POLR3K: variants seen among roughly 807,000 people sequenced by gnomAD.
POLR3K encodes the protein DNA-directed RNA polymerase III subunit RPC10.
A neutral mutation model predicts 13.5 loss-of-function variants in POLR3K; 11 were observed. The observed-to-expected ratio is 0.81, with a 90% confidence interval of 0.51 to 1.35. POLR3K has a LOEUF of 1.35. Among genes scored for constraint, POLR3K ranks in the 40% most tolerant of loss-of-function variants. The probability of loss-of-function intolerance (pLI) is 0.00; values close to 1 mark genes in which losing one functional copy is unlikely to be tolerated. For synonymous variants in POLR3K, 56 were observed against 51.5 expected (o/e 1.09, Z -0.38); for missense variants, 144 against 145.3 (o/e 0.99, Z 0.05).
chr16:47,722 A>G (rs1157421444), intron 2 of POLR3K, among the ~76,000 whole-genome samples, 165 bp from the exon 3 acceptor site: 2 of 151,008 alleles, frequency 1.3e-5, no homozygotes. Context: ...TCTCTACTAA[A>G]AATACAAAAT....
chr16:51,536 C>T, intron 2 of POLR3K, 22 bp downstream of exon 2: 1 of 1,595,282 alleles, frequency 6.3e-7, no homozygotes, highest in South Asian at 1.1e-5. Context: ...AGTTTAGCAA[C>T]AGAAACAGTT....
intron 1 of POLR3K, chr16:52,184 C>G (rs148055418): frequency 0.024 from 3,715 of 152,886 alleles, 75 homozygotes; most frequent in Non-Finnish European, 0.043. Flanking sequence ...TGGTGGCTCA[C>G]GCCTATAATC....
At position 46,826 on chromosome 16, in the gene POLR3K, T is replaced by A. The variant is rs1897287741; in HGVS notation, c.*604A>T. The A allele has an allele frequency of 6.6e-6, 1 of 151,914 alleles. No homozygotes were observed. Among genetic ancestry groups the A allele is most frequent in the African/African-American group, 2.4e-5 (1 of 41,356 alleles). The allele number at this position is 151,914 out of a possible 1,614,324, so 9.4% of individuals were successfully genotyped here. A position where few individuals can be genotyped will look rare whatever the true frequency, so the allele number is the denominator to read the frequency against. ...ATCAGGGGAGGTTCAAAAAAATGAA[T>A]AAGGGAGTAAGAATAGGAATAAAGA... On this transcript the variant is annotated 3_prime_UTR_variant, in exon 3 of 3. Transcript: ENST00000293860.
intron 2 of POLR3K, among the ~76,000 whole-genome samples, chr16:48,434 T>G (rs144804075): frequency 1.3e-5 from 2 of 152,302 alleles, no homozygotes; most frequent in East Asian, 3.9e-4. Flanking sequence ...TGTGCTGCTG[T>G]AACAAAATGC....
intron 2 of POLR3K, among the ~76,000 whole-genome samples, chr16:48,766 G>A (rs1339707881): frequency 6.6e-6 from 1 of 150,420 alleles, no homozygotes; most frequent in Non-Finnish European, 1.5e-5. Flanking sequence ...AGCCGAGATC[G>A]CGCCACTGCA....
chr16:51,471 T>C, intron 2 of POLR3K, 87 bp downstream of exon 2: 1 of 980,860 alleles, frequency 1.0e-6, no homozygotes, highest in Non-Finnish European at 1.6e-6. Flanking sequence ...ACATCATTTA[T>C]ATGACATCAT....
chr16:51,308 G>C (rs1467683176), intron 2 of POLR3K, among the ~76,000 whole-genome samples: 2 of 103,966 alleles, frequency 1.9e-5, no homozygotes, highest in South Asian at 2.7e-4. Flanking sequence ...GAGACCCAAG[G>C]AAGGTCCTAC....
chr16:52,584 T>C (rs1007700655), intron 1 of POLR3K, among the ~76,000 whole-genome samples: 4 of 146,362 alleles, frequency 2.7e-5, no homozygotes, highest in African/African-American at 1.0e-4. Context: ...TAACACACGG[T>C]GAAACCCCAT....
At chr16:52,446 CAAAAAAAAAAAAAAAA>C (rs767411954) in intron 1 of POLR3K, among the ~76,000 whole-genome samples, 70 of 74,174 alleles carry the variant, frequency 9.4e-4, no homozygotes, top group Non-Finnish European at 1.4e-3. Flanking sequence ...GACTCTGTCT[CAAAAAAAAAAAAAAAA>C]AAAAAAAAAA....
At position 51,592 on chromosome 16, in the gene POLR3K, T is replaced by C; in HGVS notation, c.165A>G (p.Gly55=). The C allele has an allele frequency of 1.2e-6, 2 of 1,614,146 alleles. No homozygotes were observed. The highest frequency in any genetic ancestry group is 1.7e-6 in the Non-Finnish European group (2 of 1,179,982). The part of the protein sequence containing the change: ...KLKEVDDVLG[G]AAAWENVDST... ...AGTCAACATTCTCCCAGGCAGCTGCTCCACCAAGCACATCATCCACTTCTT... is the reference window on the plus strand; with the variant it reads ...AGTCAACATTCTCCCAGGCAGCTGCCCCACCAAGCACATCATCCACTTCTT... Residue 55 remains glycine (G), a synonymous_variant, in exon 2 of 3, where the codon GGA becomes GGG. Transcript: ENST00000293860.
At chr16:49,650 T>C (rs1044642696) in intron 2 of POLR3K, among the ~76,000 whole-genome samples, 3 of 151,202 alleles carry the variant, frequency 2.0e-5, no homozygotes, top group Non-Finnish European at 3.0e-5. Flanking sequence ...GTTTTTTTTT[T>C]TTTTTTGAGA....
chr16:52,018 T>TAA, intron 1 of POLR3K: 1 of 141,458 alleles, frequency 7.1e-6, no homozygotes, highest in Admixed American at 7.4e-5. Context: ...AGACTCCATC[T>TAA]CAAAAAAAAA....
Position 47,213 on chromosome 16 carries a change from C to T in POLR3K, c.*217G>A, listed in dbSNP as rs1284375040. The T allele has an allele frequency of 9.1e-6, 4 of 437,646 alleles. No homozygotes were observed. Among genetic ancestry groups the T allele is most frequent in the Non-Finnish European group, 1.6e-5 (4 of 247,342 alleles). The allele number at this position is 437,646 out of a possible 1,614,324, so 27.1% of individuals were successfully genotyped here. ...CATATTTAGTTATGGGTCTCTGTCTCCTCCCCACACAGAAAAACTCCCAGA... is the reference window on the plus strand; with the variant it reads ...CATATTTAGTTATGGGTCTCTGTCTTCTCCCCACACAGAAAAACTCCCAGA... On this transcript the variant is annotated 3_prime_UTR_variant, in exon 3 of 3. Transcript: ENST00000293860.
intron 2 of POLR3K, among the ~76,000 whole-genome samples, chr16:49,716 T>C (rs1041270678): frequency 4.7e-5 from 7 of 150,470 alleles, no homozygotes; most frequent in Non-Finnish European, 7.4e-5. Flanking sequence ...CTCAGCTCAC[T>C]ACAACCTCCG....
intron 2 of POLR3K, among the ~76,000 whole-genome samples, chr16:50,241 G>A (rs888714099): frequency 3.3e-5 from 5 of 152,136 alleles, no homozygotes; most frequent in Non-Finnish European, 7.3e-5. Context: ...TTGCAGGCGT[G>A]AGCCACCACA....
chr16:52,780 A>T (rs1897351141), intron 1 of POLR3K, among the ~76,000 whole-genome samples: 2 of 23,840 alleles, frequency 8.4e-5, no homozygotes, highest in Non-Finnish European at 1.9e-4. Context: ...AAAAAAAAAA[A>T]AAAAAAAAAA....
At chr16:50,548 G>T (rs918427688) in intron 2 of POLR3K, among the ~76,000 whole-genome samples, 2 of 152,160 alleles carry the variant, frequency 1.3e-5, no homozygotes, top group Non-Finnish European at 2.9e-5. Flanking sequence ...TTGAGACAGA[G>T]TCTCACTCTT....
In POLR3K at chr16:47,319, T is replaced by A; in HGVS notation, c.*111A>T. The A allele has an allele frequency of 1.4e-6, 2 of 1,398,200 alleles. No individual in the cohort carries two copies. The highest frequency in any genetic ancestry group is 1.9e-6 in the Non-Finnish European group (2 of 1,042,884). 86.6% of individuals were successfully genotyped at this position (1,398,200 alleles called of 1,614,324 possible). A position where few individuals can be genotyped will look rare whatever the true frequency, so the allele number is the denominator to read the frequency against. On this transcript the variant is annotated 3_prime_UTR_variant, in exon 3 of 3. Transcript: ENST00000293860. ...GGCTCTTCACCTCAAAAGGTTTATC[T>A]TTCCACCACACTAGCAAAGACCCTC...
intron 2 of POLR3K, 122 bp downstream of exon 2, chr16:51,436 A>T: frequency 1.3e-6 from 1 of 745,326 alleles, no homozygotes; most frequent in Non-Finnish European, 2.2e-6. Context: ...ATTATTCAAG[A>T]ACCATTTTCT....
Sources: gnomAD v4.1 joint callset for allele counts (sites outside exome capture counted in the v4.1 genomes callset) on GRCh38, gnomAD v4.1.1 for gene constraint, MANE v1.5 for transcripts, NCBI Gene and HGNC (gene_info 2026-07-23, HGNC 2026-07-21) for gene names.